CERKL: variants seen among roughly 807,000 people sequenced by gnomAD.
CERKL encodes CERK like autophagy regulator, also known as ceramide kinase-like protein.
A neutral mutation model predicts 63.4 loss-of-function variants in CERKL; 61 were observed. That is an observed-to-expected ratio of 0.96 (90% CI 0.78 to 1.19). CERKL has a LOEUF of 1.19. Among genes scored for constraint, CERKL ranks in the 50% most tolerant of loss-of-function variants. The pLI is 0.00. For missense variants in CERKL, 675 were observed against 655.5 expected (o/e 1.03, Z -0.33); for synonymous variants, 250 against 230.5 (o/e 1.08, Z -0.77).
chr2:181,560,460 A>C (rs368564092), intron 4 of CERKL, among the ~76,000 whole-genome samples: 15 of 152,330 alleles, frequency 9.8e-5, no homozygotes, highest in Admixed American at 6.5e-4. Context: ...TTCTGTGTTA[A>C]ATCTTTTGAA....
chr2:181,612,882 T>C (rs1686027146), intron 1 of CERKL, among the ~76,000 whole-genome samples: 1 of 152,134 alleles, frequency 6.6e-6, no homozygotes, highest in Non-Finnish European at 1.5e-5. Context: ...AAAAGCAGTA[T>C]TTTTCTGATT....
At chr2:181,635,933 A>C (rs1687161255) in intron 1 of CERKL, among the ~76,000 whole-genome samples, 1 of 152,212 alleles carries the variant, frequency 6.6e-6, no homozygotes, top group Non-Finnish European at 1.5e-5. Flanking sequence ...TCTAATGAAT[A>C]ATGTTTTCTG....
chr2:181,588,974 G>C (rs1684878292), intron 2 of CERKL, among the ~76,000 whole-genome samples: 1 of 152,000 alleles, frequency 6.6e-6, no homozygotes, highest in Non-Finnish European at 1.5e-5. Flanking sequence ...TATATACCTT[G>C]GATATTAACC....
intron 1 of CERKL, among the ~76,000 whole-genome samples, chr2:181,617,629 A>G (rs931375078): frequency 2.0e-5 from 3 of 152,196 alleles, no homozygotes; most frequent in Non-Finnish European, 4.4e-5. Flanking sequence ...AAAAATTATC[A>G]ACATTTAGAA....
At chr2:181,602,566 T>C (rs1685501983) in intron 2 of CERKL, among the ~76,000 whole-genome samples, 1 of 143,340 alleles carries the variant, frequency 7.0e-6, no homozygotes, top group Admixed American at 6.8e-5. Context: ...CCAAAGGGGC[T>C]AGCAGGGAAG....
At chr2:181,552,273 G>T (rs375146917) in intron 5 of CERKL, among the ~76,000 whole-genome samples, 1 of 152,070 alleles carries the variant, frequency 6.6e-6, no homozygotes, top group Non-Finnish European at 1.5e-5. Flanking sequence ...TGTCCCTACC[G>T]AAATCTCATC....
At chr2:181,621,696 A>G (rs983560725) in intron 1 of CERKL, among the ~76,000 whole-genome samples, 1 of 152,206 alleles carries the variant, frequency 6.6e-6, no homozygotes, top group Non-Finnish European at 1.5e-5. Flanking sequence ...CTGATGAGAA[A>G]ATTTTGGAGA....
chr2:181,596,312 C>T (rs963984059), intron 2 of CERKL, among the ~76,000 whole-genome samples: 2 of 152,070 alleles, frequency 1.3e-5, no homozygotes, highest in Non-Finnish European at 2.9e-5. Flanking sequence ...ATAATTATGA[C>T]CAATTACATG....
chr2:181,618,099 T>C (rs1053236656), intron 1 of CERKL, among the ~76,000 whole-genome samples: 3 of 152,094 alleles, frequency 2.0e-5, no homozygotes, highest in Admixed American at 6.5e-5. Flanking sequence ...TGTGGAATGA[T>C]AGACAAAGGA....
intron 2 of CERKL, among the ~76,000 whole-genome samples, chr2:181,585,942 C>A (rs1167899386): frequency 6.6e-6 from 1 of 152,144 alleles, no homozygotes; most frequent in African/African-American, 2.4e-5. Flanking sequence ...CCCATCGGGG[C>A]ACAGAGCTTC....
intron 1 of CERKL, among the ~76,000 whole-genome samples, chr2:181,622,213 A>C (rs2105918892): frequency 6.6e-6 from 1 of 151,164 alleles, no homozygotes; most frequent in South Asian, 2.1e-4. Flanking sequence ...GAAAAACACA[A>C]ATCTACACTA....
intron 1 of CERKL, among the ~76,000 whole-genome samples, chr2:181,624,829 A>G (rs998299296): frequency 2.6e-5 from 4 of 152,356 alleles, no homozygotes; most frequent in African/African-American, 9.6e-5. Flanking sequence ...GGGAAAATCT[A>G]TAGGAGGTAC....
rs1029871773 is a variant in CERKL, at chr2:181,537,550, G to T, written c.*634C>A. ...TGAAATTTAACTGCTCTGGATTAGG[G>T]AGCAGTGAATCAAGGCAGACTTATG... On this transcript the variant is annotated 3_prime_UTR_variant, in exon 13 of 13. Transcript: ENST00000410087. 2 of 442,098 alleles carry T rather than the reference G, an allele frequency of 4.5e-6. No homozygotes were observed. The highest frequency in any genetic ancestry group is 3.2e-5 in the South Asian group (2 of 62,662). 27.4% of individuals were successfully genotyped at this position (442,098 alleles called of 1,614,324 possible). A position where few individuals can be genotyped will look rare whatever the true frequency, so the allele number is the denominator to read the frequency against.
chr2:181,588,753 T>C (rs1031131563), intron 2 of CERKL, among the ~76,000 whole-genome samples: 4 of 152,176 alleles, frequency 2.6e-5, no homozygotes, highest in African/African-American at 7.2e-5. Flanking sequence ...CCAATACTTA[T>C]CTTTTATCTT....
intron 1 of CERKL, among the ~76,000 whole-genome samples, chr2:181,609,485 C>G (rs1685864772): frequency 7.3e-6 from 1 of 137,106 alleles, no homozygotes; most frequent in Non-Finnish European, 1.5e-5. Context: ...CACCTGAGAT[C>G]AGAAGTTCGA....
In CERKL at chr2:181,572,130, C is replaced by T. The variant is rs187060325; in HGVS notation, c.613+1623G>A. ...ACACTCTCTCTCTCCGCCCCCCCTC[C>T]CAACTTTTACAGTACATGCCTGTTA... On this transcript the variant is annotated intron_variant, in intron 3 of 12. Transcript: ENST00000410087. Among the ~76,000 whole-genome samples, 652 of 152,216 alleles carry T rather than the reference C, an allele frequency of 4.3e-3. 3 individuals carry two copies. The highest frequency in any genetic ancestry group is 6.2e-3 in the Non-Finnish European group (423 of 67,990).
At chr2:181,654,451 TATTTC>T (rs1449893656) in intron 1 of CERKL, among the ~76,000 whole-genome samples, 7 of 152,242 alleles carry the variant, frequency 4.6e-5, no homozygotes, top group South Asian at 2.1e-4. Context: ...CATAGTATTT[TATTTC>T]ATCAGTGAAA....
At chr2:181,621,698 T>G (rs1351804587) in intron 1 of CERKL, among the ~76,000 whole-genome samples, 1 of 152,090 alleles carries the variant, frequency 6.6e-6, no homozygotes, top group East Asian at 1.9e-4. Context: ...GATGAGAAAA[T>G]TTTGGAGAAA....
chr2:181,562,493 C>T (rs1422402163), intron 4 of CERKL, among the ~76,000 whole-genome samples: 1 of 152,094 alleles, frequency 6.6e-6, no homozygotes, highest in Non-Finnish European at 1.5e-5. Context: ...CAGCTTCTTA[C>T]AAAAATATCA....
Sources: allele counts gnomAD v4.1 joint callset (sites outside exome capture counted in the v4.1 genomes callset), GRCh38; gene constraint gnomAD v4.1.1; transcripts MANE v1.5; gene names NCBI Gene and HGNC (gene_info 2026-07-23, HGNC 2026-07-21).